Variants in ENPP6 observed in about 807,000 individuals in gnomAD.
The protein encoded by ENPP6 is glycerophosphocholine cholinephosphodiesterase ENPP6.
ENPP6 carries 32 observed loss-of-function variants against 42.0 expected under a neutral mutation model. That is an observed-to-expected ratio of 0.76 (90% CI 0.58 to 1.02). ENPP6 has a LOEUF of 1.02. ENPP6 is among the 50% of genes least tolerant of loss of function. ENPP6 has a pLI of 0.00. For synonymous variants in ENPP6, 213 were observed against 216.0 expected (o/e 0.99, Z 0.12); for missense variants, 552 against 566.8 (o/e 0.97, Z 0.27).
chr4:184,167,814 C>T (rs140064504), intron 1 of ENPP6, among the ~76,000 whole-genome samples: 1 of 152,262 alleles, frequency 6.6e-6, no homozygotes, highest in African/African-American at 2.4e-5. Flanking sequence ...CAATGATCAC[C>T]GGTGATCTGC....
At chr4:184,091,406 A>G in intron 7 of ENPP6, 24 bp from the exon 8 acceptor site, 1 of 1,586,604 alleles carries the variant, frequency 6.3e-7, no homozygotes, top group African/African-American at 1.3e-5. Context: ...GCAAACAAAC[A>G]AGTTGTCATG....
chr4:184,113,924 T>TTTCTTTCTTTCTTTCTTTCC (rs1560981890), intron 5 of ENPP6, among the ~76,000 whole-genome samples: 8 of 140,462 alleles, frequency 5.7e-5, no homozygotes, highest in Admixed American at 2.1e-4. Flanking sequence ...TCTTTCTTTC[T>TTTCTTTCTTTCTTTCTTTCC]TTCTTTCTTT....
intron 1 of ENPP6, among the ~76,000 whole-genome samples, chr4:184,193,899 C>A (rs780132465): frequency 1.3e-5 from 2 of 152,168 alleles, no homozygotes; most frequent in Non-Finnish European, 2.9e-5. Flanking sequence ...TTCTTATATT[C>A]TTTAATTGTT....
At chr4:184,186,971 G>A (rs753731283) in intron 1 of ENPP6, among the ~76,000 whole-genome samples, 3 of 152,178 alleles carry the variant, frequency 2.0e-5, no homozygotes, top group Admixed American at 6.5e-5. Flanking sequence ...AGGACCTGCC[G>A]CGGCCTCTTG....
At position 184,091,234 on chromosome 4, in the gene ENPP6, C is replaced by CGGG; in HGVS notation, c.1263_1265dup (p.Pro423dup). 1 of 1,591,902 alleles carries CGGG rather than the reference C, an allele frequency of 6.3e-7. No homozygotes were observed. On this transcript the variant is annotated inframe_insertion, in exon 8 of 8. Coordinates refer to ENST00000296741, the MANE Select transcript of ENPP6 (RefSeq NM_153343.4). ...GGGCACAGTGGCTGGGCCAGACAGG[C>CGGG]GGGGCAGTGCTGGCGCGGCCCTTCA...
chr4:184,216,291 C>A (rs910144612), intron 1 of ENPP6, among the ~76,000 whole-genome samples: 1 of 152,198 alleles, frequency 6.6e-6, no homozygotes, highest in African/African-American at 2.4e-5. Flanking sequence ...ATCTTAGAGA[C>A]TGTTTTTTTG....
rs1261889658 is a variant in ENPP6, at chr4:184,131,137, C to CTT, written c.422-6867_422-6866dup. On this transcript the variant is annotated intron_variant, in intron 2 of 7. Coordinates refer to ENST00000296741, the MANE Select transcript of ENPP6 (RefSeq NM_153343.4). Reference sequence around the variant, plus strand: ...TTGTTTCAACTTGCTTCCACCAGCACTTACTTTCTTTCTTTCTTTCTTTCT... The same window carrying CTT: ...TTGTTTCAACTTGCTTCCACCAGCACTTTTACTTTCTTTCTTTCTTTCTTTCT... Among the ~76,000 whole-genome samples, 39 of 133,378 alleles carry CTT rather than the reference C, an allele frequency of 2.9e-4. 1 individual carries two copies. Among genetic ancestry groups the CTT allele is most frequent in the African/African-American group, 1.3e-3 (37 of 29,248 alleles). The allele number at this position is 133,378 out of a possible 152,430, so 87.5% of individuals were successfully genotyped here.
chr4:184,177,049 G>A (rs979532989), intron 1 of ENPP6, among the ~76,000 whole-genome samples: 8 of 152,176 alleles, frequency 5.3e-5, no homozygotes, highest in Non-Finnish European at 8.8e-5. Context: ...AGGGCCTTGG[G>A]TCCCAAGCAC....
intron 2 of ENPP6, among the ~76,000 whole-genome samples, chr4:184,126,046 T>C (rs1004635494): frequency 6.6e-6 from 1 of 152,222 alleles, no homozygotes; most frequent in African/African-American, 2.4e-5. Context: ...TGACCAGGTG[T>C]CTGCTTCTAG....
At chr4:184,173,206 A>G (rs1737502301) in intron 1 of ENPP6, among the ~76,000 whole-genome samples, 2 of 152,148 alleles carry the variant, frequency 1.3e-5, no homozygotes, top group South Asian at 4.1e-4. Context: ...CGCCCGGCCT[A>G]TCGAGGGTTT....
chr4:184,093,724 C>T (rs1422528035), intron 7 of ENPP6, among the ~76,000 whole-genome samples: 1 of 151,566 alleles, frequency 6.6e-6, no homozygotes, highest in Non-Finnish European at 1.5e-5. Context: ...AGGGCTGCCC[C>T]AGTATCCCAG....
intron 2 of ENPP6, among the ~76,000 whole-genome samples, chr4:184,151,897 GA>G (rs1429181020): frequency 6.6e-6 from 1 of 152,156 alleles, no homozygotes; most frequent in African/African-American, 2.4e-5. Context: ...CCAACTCCAC[GA>G]AAAGTTATCT....
intron 2 of ENPP6, among the ~76,000 whole-genome samples, chr4:184,149,702 A>G (rs1019908375): frequency 2.6e-5 from 4 of 152,190 alleles, no homozygotes; most frequent in African/African-American, 9.6e-5. Context: ...TTAGAACTCC[A>G]AAGAGTTTTA....
At chr4:184,092,058 C>T (rs1735813861) in intron 7 of ENPP6, among the ~76,000 whole-genome samples, 1 of 152,180 alleles carries the variant, frequency 6.6e-6, no homozygotes. Flanking sequence ...GAGTGACTGT[C>T]TTGCCCTTAA....
chr4:184,178,595 T>G (rs1380902957), intron 1 of ENPP6, among the ~76,000 whole-genome samples: 1 of 152,002 alleles, frequency 6.6e-6, no homozygotes, highest in Non-Finnish European at 1.5e-5. Context: ...AAGGTCAAAA[T>G]GAAGGAAAAA....
intron 5 of ENPP6, among the ~76,000 whole-genome samples, chr4:184,113,899 T>TTTTCTTTCTTTCTTTCTTCC (rs1736257491): frequency 2.9e-5 from 3 of 103,626 alleles, no homozygotes; most frequent in African/African-American, 7.6e-5. Flanking sequence ...CCTTTCTTTC[T>TTTTCTTTCTTTCTTTCTTCC]TTTCTTTCTT....
At chr4:184,134,646 T>C (rs1354630749) in intron 2 of ENPP6, among the ~76,000 whole-genome samples, 1 of 149,686 alleles carries the variant, frequency 6.7e-6, no homozygotes, top group Admixed American at 6.7e-5. Flanking sequence ...TTGTCAAGTT[T>C]TCATCCACTT....
In ENPP6 at chr4:184,133,872, A is replaced by ATTTT. The variant is rs33932621; in HGVS notation, c.422-9604_422-9601dup. ...TTACTGTTGTAAATGATATTGATTGATTTTTTTTTTTTTGAGATGGAGCCT... is the reference window on the plus strand; with the variant it reads ...TTACTGTTGTAAATGATATTGATTGATTTTTTTTTTTTTTTTTGAGATGGAGCCT... On this transcript the variant is annotated intron_variant, in intron 2 of 7. Coordinates refer to ENST00000296741, the MANE Select transcript of ENPP6 (RefSeq NM_153343.4). 5.9e-3 allele frequency among the ~76,000 whole-genome samples: 864 copies of ATTTT among 145,900 alleles called. 9 individuals carry two copies. Among genetic ancestry groups the ATTTT allele is most frequent in the East Asian group, 8.4e-3 (42 of 5,012 alleles).
At chr4:184,132,070 G>A (rs564150107) in intron 2 of ENPP6, among the ~76,000 whole-genome samples, 1 of 152,136 alleles carries the variant, frequency 6.6e-6, no homozygotes, top group African/African-American at 2.4e-5. Context: ...TAAGCCTTTT[G>A]TTCTATTCAG....
Sources: allele counts gnomAD v4.1 joint callset (sites outside exome capture counted in the v4.1 genomes callset), GRCh38; gene constraint gnomAD v4.1.1; transcripts MANE v1.5; gene names NCBI Gene and HGNC (gene_info 2026-07-23, HGNC 2026-07-21).